DOCK2: variants seen among roughly 807,000 people sequenced by gnomAD.
DOCK2 encodes the protein dedicator of cytokinesis 2, also known as dedicator of cytokinesis protein 2.
A neutral mutation model predicts 248.9 loss-of-function variants in DOCK2; 87 were observed. The ratio of observed to expected loss-of-function variants is 0.35; its 90% CI spans 0.29 to 0.42. The LOEUF is 0.42. DOCK2 is among the 10% of genes least tolerant of loss of function. DOCK2 has a pLI of 1.00. For synonymous variants in DOCK2, 805 were observed against 821.6 expected (o/e 0.98, Z 0.35); for missense variants, 1,747 against 2,300.2 (o/e 0.76, Z 4.92).
intron 22 of DOCK2, among the ~76,000 whole-genome samples, chr5:169,743,185 A>T (rs974175922): frequency 1.3e-5 from 2 of 152,206 alleles, no homozygotes; most frequent in African/African-American, 2.4e-5. Flanking sequence ...ACAATGCTTA[A>T]TGCTTAATCA....
At chr5:169,997,808 A>G (rs141761465) in intron 30 of DOCK2, among the ~76,000 whole-genome samples, 2,378 of 152,248 alleles carry the variant, frequency 0.016, 58 homozygotes, top group African/African-American at 0.053. Flanking sequence ...CACAGTAACA[A>G]TCTGATCTCT....
intron 33 of DOCK2, among the ~76,000 whole-genome samples, chr5:170,023,573 G>A (rs976810418): frequency 7.2e-5 from 11 of 152,220 alleles, no homozygotes; most frequent in South Asian, 4.1e-4. Context: ...TGCCATTAGA[G>A]GTTCCCATCC....
chr5:170,062,327 T>A (rs185649942), intron 44 of DOCK2, among the ~76,000 whole-genome samples: 191 of 152,202 alleles, frequency 1.3e-3, no homozygotes, highest in African/African-American at 4.3e-3. Flanking sequence ...TGGGTCTCCC[T>A]CCACCCCCAA....
At chr5:169,680,740 A>T (rs1298792975) in intron 6 of DOCK2, among the ~76,000 whole-genome samples, 1 of 151,996 alleles carries the variant, frequency 6.6e-6, no homozygotes, top group Non-Finnish European at 1.5e-5. Context: ...AAAATTAAAT[A>T]AATTGAGACA....
At chr5:170,043,155 C>T (rs1207589387) in intron 38 of DOCK2, among the ~76,000 whole-genome samples, 1 of 152,188 alleles carries the variant, frequency 6.6e-6, no homozygotes, top group Non-Finnish European at 1.5e-5. Flanking sequence ...GAGAACATTG[C>T]TCGGTGGCCA....
chr5:169,842,907 C>T (rs1221663327), intron 27 of DOCK2, among the ~76,000 whole-genome samples: 1 of 152,114 alleles, frequency 6.6e-6, no homozygotes, highest in Non-Finnish European at 1.5e-5. Context: ...GCTCTTCTAA[C>T]ACACATCCCT....
chr5:170,078,934 C>T (rs1757930696), intron 48 of DOCK2, 41 bp from the exon 49 acceptor site: 2 of 1,608,082 alleles, frequency 1.2e-6, no homozygotes, highest in Non-Finnish European at 1.7e-6. Flanking sequence ...TCTACTGAAG[C>T]TCTAACTGCA....
At chr5:169,827,885 CAT>C (rs753651165) in intron 26 of DOCK2, among the ~76,000 whole-genome samples, 8 of 150,986 alleles carry the variant, frequency 5.3e-5, no homozygotes, top group South Asian at 2.2e-4. Flanking sequence ...CACACACACA[CAT>C]GGTTTTTCAA....
At chr5:170,003,946 G>T (rs1226578497) in intron 30 of DOCK2, among the ~76,000 whole-genome samples, 1 of 152,194 alleles carries the variant, frequency 6.6e-6, no homozygotes, top group East Asian at 1.9e-4. Flanking sequence ...GGGGCTATGG[G>T]TGAGGTACTT....
In DOCK2 at chr5:169,702,332, C is replaced by G. The variant is rs370264550; in HGVS notation, c.1288C>G (p.Leu430Val). 2.4e-5 allele frequency: 39 copies of G among 1,613,830 alleles called. No individual in the cohort carries two copies. Among genetic ancestry groups the G allele is most frequent in the Non-Finnish European group, 3.2e-5 (38 of 1,179,890 alleles). ...TGTCAGGAACGACATCTACATTACTCTCTTACAAGGTGACTTTGACAAGTA... is the reference window on the plus strand; with the variant it reads ...TGTCAGGAACGACATCTACATTACTGTCTTACAAGGTGACTTTGACAAGTA... Reference protein sequence around the residue: ...GDVRNDIYITLLQGDFDKYNK... With the variant: ...GDVRNDIYITVLQGDFDKYNK... The change falls in exon 14 of 52, where the codon CTC becomes GTC. Residue 430 changes from leucine (L) to valine (V), a missense_variant. Physicochemically the swap from Leu to Val is conservative, Grantham distance 32. Transcript: ENST00000520908.
At chr5:169,676,175 C>T (rs984959586) in intron 6 of DOCK2, among the ~76,000 whole-genome samples, 40 of 152,162 alleles carry the variant, frequency 2.6e-4, no homozygotes, top group African/African-American at 2.4e-4. Context: ...TTCCACTACC[C>T]GCCTTGGCCC....
At chr5:169,826,420 G>C (rs1006381001) in intron 26 of DOCK2, among the ~76,000 whole-genome samples, 2 of 151,958 alleles carry the variant, frequency 1.3e-5, no homozygotes, top group African/African-American at 2.4e-5. Flanking sequence ...TCTCATCTCT[G>C]GGGGGGACGA....
chr5:169,854,373 C>G (rs186110188), intron 27 of DOCK2, among the ~76,000 whole-genome samples: 3 of 151,814 alleles, frequency 2.0e-5, no homozygotes, highest in African/African-American at 7.3e-5. Flanking sequence ...TTAGTAGAGA[C>G]GGGGTTTCAC....
Position 169,761,567 on chromosome 5 carries a change from G to A in DOCK2, c.2496G>A (p.Gln832=). Residue 832 remains glutamine, a synonymous_variant, in exon 25 of 52, where the codon CAG becomes CAA. Coordinates refer to ENST00000520908, the MANE Select transcript of DOCK2 (RefSeq NM_004946.3). ...FYTCIPPVKL[Q]KQKVQSMNEI... is the part of the protein sequence containing the mutation. ...CCTGCATCCCTCCTGTGAAACTCCAGAAGCAGAAAGTACAGTCTATGAATG... is the reference window on the plus strand; with the variant it reads ...CCTGCATCCCTCCTGTGAAACTCCAAAAGCAGAAAGTACAGTCTATGAATG... The A allele has an allele frequency of 1.2e-6, 2 of 1,614,126 alleles. No homozygotes were observed. The highest frequency in any genetic ancestry group is 1.7e-6 in the Non-Finnish European group (2 of 1,179,976).
At chr5:169,915,016 C>A (rs1485947993) in intron 27 of DOCK2, among the ~76,000 whole-genome samples, 1 of 152,260 alleles carries the variant, frequency 6.6e-6, no homozygotes, top group Non-Finnish European at 1.5e-5. Flanking sequence ...GCAAGGCAAA[C>A]TCACAGCACA....
At chr5:169,792,445 TTA>T (rs991215076) in intron 25 of DOCK2, among the ~76,000 whole-genome samples, 8 of 114,420 alleles carry the variant, frequency 7.0e-5, no homozygotes, top group African/African-American at 2.6e-4. Flanking sequence ...TACATATATT[TTA>T]TATATGTGTG....
At chr5:169,933,439 A>C (rs1480799308) in intron 27 of DOCK2, among the ~76,000 whole-genome samples, 1 of 152,268 alleles carries the variant, frequency 6.6e-6, no homozygotes, top group Non-Finnish European at 1.5e-5. Context: ...CTGCTATAGA[A>C]GAGCTCTTTC....
rs1297378165 is a variant in DOCK2 at position 169,685,377 on chromosome 5, G to C, written c.761+1027G>C. Among the ~76,000 whole-genome samples the C allele has an allele frequency of 5.3e-5, 8 of 152,214 alleles. No individual in the cohort carries two copies. The South Asian group carries it at 6.2e-4, about 12-fold the overall frequency. ...GCTGCTCCTCCGGCTCCCACTGCCA[G>C]ACTCCTGGCCTCTACTTGTGGCTTA... On this transcript the variant is annotated intron_variant, in intron 8 of 51. Coordinates refer to ENST00000520908, the MANE Select transcript of DOCK2 (RefSeq NM_004946.3).
chr5:169,723,724 A>G lies in DOCK2; in HGVS notation c.2267+4933A>G, dbSNP rs115612940. ...GCTCAAACCTCTCTTTCACTACCCT[A>G]TTTAAAATTGCAACCCCTGTCCCGA... is the stretch of plus-strand genomic sequence containing the variant. On this transcript the variant is annotated intron_variant, in intron 22 of 51. Coordinates refer to ENST00000520908, the MANE Select transcript of DOCK2 (RefSeq NM_004946.3). Among the ~76,000 whole-genome samples the G allele has an allele frequency of 5.2e-3, 790 of 152,180 alleles. 11 individuals carry two copies. The highest frequency in any genetic ancestry group is 0.018 in the African/African-American group (758 of 41,512).
Sources: gnomAD v4.1 joint callset for allele counts (sites outside exome capture counted in the v4.1 genomes callset) on GRCh38, gnomAD v4.1.1 for gene constraint, MANE v1.5 for transcripts, NCBI Gene and HGNC (gene_info 2026-07-23, HGNC 2026-07-21) for gene names.